The following ITGAE variants were observed in gnomAD, a reference collection of about 807,000 sequenced individuals.
The protein encoded by ITGAE is integrin subunit alpha E, also known as integrin alpha-E.
A neutral mutation model predicts 136.5 loss-of-function variants in ITGAE; 99 were observed. The observed-to-expected ratio is 0.73, with a 90% CI of 0.62 to 0.86. The LOEUF (loss-of-function observed/expected upper bound fraction) is 0.86. ITGAE is among the 40% of genes least tolerant of loss of function. The probability of loss-of-function intolerance (pLI) is 0.00; values close to 1 mark genes in which losing one functional copy is unlikely to be tolerated. For synonymous variants in ITGAE, 613 were observed against 591.8 expected, an observed-to-expected ratio of 1.04 and a Z score of -0.52; for missense variants, 1,447 against 1,515.3, an observed-to-expected ratio of 0.95 and a Z score of 0.75.
At chr17:3,728,228 G>GA in intron 24 of ITGAE, 60 bp from the exon 25 acceptor site, 2 of 1,316,926 alleles carry the variant, frequency 1.5e-6, no homozygotes, top group Non-Finnish European at 2.2e-6. Flanking sequence ...TTTGGAGACA[G>GA]GGTCTCACTC....
chr17:3,721,260 CTTTTTTTT>C (rs869087347), intron 28 of ITGAE, among the ~76,000 whole-genome samples: 78 of 46,218 alleles, frequency 1.7e-3, no homozygotes, highest in Non-Finnish European at 2.0e-3. Context: ...GAGATTTTTC[CTTTTTTTT>C]TTTTTTTTTT....
At chr17:3,724,792 T>A (rs1191422172) in intron 26 of ITGAE, 2 of 1,614,044 alleles carry the variant, frequency 1.2e-6, no homozygotes, top group Non-Finnish European at 1.7e-6. Context: ...GGTCCAGGTC[T>A]GTCAAGCACA....
intron 16 of ITGAE, among the ~76,000 whole-genome samples, chr17:3,748,301 T>C (rs1050771065): frequency 3.3e-5 from 5 of 152,206 alleles, no homozygotes; most frequent in African/African-American, 4.8e-5. Flanking sequence ...ATTAAAATAC[T>C]GTTGGCCGAG....
At chr17:3,742,648 A>AT (rs2051615157) in intron 19 of ITGAE, among the ~76,000 whole-genome samples, 1 of 151,050 alleles carries the variant, frequency 6.6e-6, no homozygotes, top group African/African-American at 2.4e-5. Context: ...AATTTATTTT[A>AT]TTTTTTATTT....
At chr17:3,720,873 G>A (rs930401222) in intron 28 of ITGAE, among the ~76,000 whole-genome samples, 1 of 149,694 alleles carries the variant, frequency 6.7e-6, no homozygotes, top group Non-Finnish European at 1.5e-5. Flanking sequence ...GTGAGCTGCC[G>A]CGCCTGGCCT....
At chr17:3,796,170 C>CGTGT (rs71381510) in intron 1 of ITGAE, among the ~76,000 whole-genome samples, 9,102 of 127,104 alleles carry the variant, frequency 0.072, 601 homozygotes, top group African/African-American at 0.12. Context: ...TGTGTGCATC[C>CGTGT]GTGTGTGTGT....
chr17:3,747,763 A>G (rs1298850636), intron 17 of ITGAE, among the ~76,000 whole-genome samples, 159 bp downstream of exon 17: 1 of 152,062 alleles, frequency 6.6e-6, no homozygotes, highest in Non-Finnish European at 1.5e-5. Context: ...ACAAACCTGG[A>G]GACTAAGGAG....
chr17:3,789,241 T>C (rs1346469572), intron 1 of ITGAE, among the ~76,000 whole-genome samples: 1 of 151,476 alleles, frequency 6.6e-6, no homozygotes, highest in Admixed American at 6.6e-5. Context: ...AGCAAGACTG[T>C]CTCCAAAAAA....
chr17:3,725,588 C>A, intron 26 of ITGAE: 2 of 1,614,190 alleles, frequency 1.2e-6, no homozygotes, highest in Non-Finnish European at 8.5e-7. Context: ...AAGTGTGCAA[C>A]CGCACAGAAG....
At chr17:3,762,295 G>A (rs2052192303) in intron 3 of ITGAE, among the ~76,000 whole-genome samples, 1 of 152,202 alleles carries the variant, frequency 6.6e-6, no homozygotes. Context: ...CTTTTCCTCA[G>A]TGGGTTTGGT....
At chr17:3,789,298 C>A (rs1294656795) in intron 1 of ITGAE, among the ~76,000 whole-genome samples, 1 of 151,868 alleles carries the variant, frequency 6.6e-6, no homozygotes, top group East Asian at 1.9e-4. Context: ...AAAAAGGGCA[C>A]CATCTCTTTA....
At position 3,761,183 on chromosome 17, in the gene ITGAE, A is replaced by AATT. The variant is rs3830684; in HGVS notation, c.434-7_434-6insAAT. 648,338 of 1,610,450 alleles carry AATT rather than the reference A, an allele frequency of 0.4. 135,994 individuals carry two copies. The highest frequency in any genetic ancestry group is 0.44 in the Non-Finnish European group (515,093 of 1,179,072). ...ATCTGGATCCAGGAGATTTTCTTTA[A>AATT]AAACACACATGGAAGAGCTCAGAGT... On this transcript the variant is annotated splice_polypyrimidine_tract_variant and splice_region_variant and intron_variant, in intron 5 of 30. Coordinates refer to ENST00000263087, the MANE Select transcript of ITGAE (RefSeq NM_002208.5).
At chr17:3,724,774 G>A in intron 26 of ITGAE, 2 of 1,614,198 alleles carry the variant, frequency 1.2e-6, no homozygotes, top group Non-Finnish European at 1.7e-6. Flanking sequence ...GTGGGAAATG[G>A]ACCAGAGGGT....
chr17:3,757,677 G>A (rs1249982508), intron 9 of ITGAE, 29 bp downstream of exon 9: 2 of 1,611,232 alleles, frequency 1.2e-6, no homozygotes, highest in Non-Finnish European at 1.7e-6. Flanking sequence ...TGCAGGTTCA[G>A]GAGGTGTCTC....
At chr17:3,760,118 G>T in intron 7 of ITGAE, 54 bp downstream of exon 7, 1 of 1,029,908 alleles carries the variant, frequency 9.7e-7, no homozygotes, top group Non-Finnish European at 1.5e-6. Flanking sequence ...TTGTTCTGAG[G>T]TAGGGTGATT....
Position 3,798,728 on chromosome 17 carries a change from C to T in ITGAE, c.34+2383G>A, listed in dbSNP as rs948625844. Among the ~76,000 whole-genome samples the T allele has an allele frequency of 6.6e-6, 1 of 152,160 alleles. No homozygotes were observed. The highest frequency in any genetic ancestry group is 1.5e-5 in the Non-Finnish European group (1 of 68,028). On this transcript the variant is annotated intron_variant, in intron 1 of 30. Coordinates refer to ENST00000263087, the MANE Select transcript of ITGAE (RefSeq NM_002208.5). The surrounding 1 kb of genome is among the most constrained non-coding windows in gnomAD (Gnocchi z 4.3). ...AGGTGTTGTAGGCTGACAGGACAGGCTTCTTCACGCAAGGGTGGAAACTCA... is the reference window on the plus strand; with the variant it reads ...AGGTGTTGTAGGCTGACAGGACAGGTTTCTTCACGCAAGGGTGGAAACTCA...
chr17:3,760,885 G>T, intron 6 of ITGAE, 128 bp downstream of exon 6: 1 of 1,366,152 alleles, frequency 7.3e-7, no homozygotes, highest in South Asian at 1.5e-5. Context: ...AGCTGGTACA[G>T]GTCAGGTCTG....
At chr17:3,764,261 G>T (rs148844435) in intron 2 of ITGAE, among the ~76,000 whole-genome samples, 33 of 152,316 alleles carry the variant, frequency 2.2e-4, no homozygotes, top group Non-Finnish European at 4.1e-4. Context: ...GGATGGGGAG[G>T]CCAGAAAACC....
chr17:3,753,286 C>A lies in ITGAE; in HGVS notation c.1668+4G>T. On this transcript the variant is annotated splice_donor_region_variant and intron_variant, in intron 14 of 30. Transcript: ENST00000263087. ...CAAGCTCATGAAGATGGAGACTCTC[C>A]CACCTGCTCGCTGAGACGGTACACG... is the stretch of plus-strand genomic sequence containing the variant. 1 of 1,613,170 alleles carries A rather than the reference C, an allele frequency of 6.2e-7. No individual in the cohort carries two copies. The highest frequency in any genetic ancestry group is 8.5e-7 in the Non-Finnish European group (1 of 1,179,354).
Sources: allele counts gnomAD v4.1 joint callset (sites outside exome capture counted in the v4.1 genomes callset), GRCh38; gene constraint gnomAD v4.1.1; non-coding constraint Gnocchi (gnomAD v3.1); transcripts MANE v1.5; gene names NCBI Gene and HGNC (gene_info 2026-07-23, HGNC 2026-07-21).